The following GPC3 variants were observed in gnomAD, a reference collection of about 807,000 sequenced individuals.
The protein encoded by GPC3 is glypican 3, also known as glypican-3.
In GPC3, 3 loss-of-function variants were observed where a neutral mutation model predicts 34.4. The observed-to-expected ratio is 0.09, with a 90% CI of 0.04 to 0.23. The LOEUF (loss-of-function observed/expected upper bound fraction) is 0.23, where lower values mean the gene tolerates loss of function less well. GPC3 is among the 10% of genes least tolerant of loss of function. GPC3 has a pLI of 1.00. For missense variants in GPC3, 351 were observed against 445.6 expected (o/e 0.79, Z 1.91); for synonymous variants, 177 against 174.0 (o/e 1.02, Z -0.13).
intron 4 of GPC3, among the ~76,000 whole-genome samples, chrX:133,695,464 TAGAGA>T (rs1374594311): frequency 9.0e-6 from 1 of 111,606 alleles, no homozygotes; most frequent in African/African-American, 3.3e-5. Context: ...AAAGAAAGGG[TAGAGA>T]AGAGGTGAGA....
chrX:133,768,498 G>A (rs1337220690), intron 2 of GPC3, among the ~76,000 whole-genome samples: 6 of 110,818 alleles, frequency 5.4e-5, no homozygotes, highest in Non-Finnish European at 1.1e-4. Flanking sequence ...CTTAATTTTT[G>A]GATAAAGAGC....
intron 3 of GPC3, among the ~76,000 whole-genome samples, chrX:133,721,108 GAA>G (rs372717148): frequency 1.0e-5 from 1 of 97,268 alleles, no homozygotes; most frequent in African/African-American, 3.7e-5. Context: ...TAAGAAACTA[GAA>G]AAAAAAAAAT....
intron 2 of GPC3, among the ~76,000 whole-genome samples, chrX:133,804,818 G>A (rs919447357): frequency 2.7e-5 from 3 of 110,785 alleles, no homozygotes; most frequent in African/African-American, 6.6e-5. Context: ...AATCCTAGGT[G>A]GTGGTGGTGG....
At chrX:133,886,403 G>A (rs944607394) in intron 2 of GPC3, among the ~76,000 whole-genome samples, 23 of 110,286 alleles carry the variant, frequency 2.1e-4, no homozygotes, top group African/African-American at 4.9e-4. Context: ...GGTCTGACAC[G>A]AGGTAGAATT....
chrX:133,879,960 T>C (rs1222494908), intron 2 of GPC3, among the ~76,000 whole-genome samples: 1 of 112,018 alleles, frequency 8.9e-6, no homozygotes, highest in Non-Finnish European at 1.9e-5. Context: ...GATTTTTCTA[T>C]ACAACCCCCT....
At chrX:133,833,629 C>T (rs187458561) in intron 2 of GPC3, among the ~76,000 whole-genome samples, 6 of 110,936 alleles carry the variant, frequency 5.4e-5, no homozygotes, top group Non-Finnish European at 9.4e-5. Context: ...TTCAAGTGGC[C>T]CCATGTGACT....
At position 133,967,730 on chromosome X, in the gene GPC3, G is replaced by T. The variant is rs772432506; in HGVS notation, c.176-14519C>A. On this transcript the variant is annotated intron_variant, in intron 1 of 7. Transcript: ENST00000370818. ...TGCAACCTCCACCTCTCAAGCTCAA[G>T]CGATCCTCCCACCTCAGCTTCCCAA... Among the ~76,000 whole-genome samples, 4 of 112,103 alleles carry T rather than the reference G, an allele frequency of 3.6e-5. No individual in the cohort carries two copies. In the South Asian group the frequency reaches 1.5e-3, roughly 42 times the overall value.
chrX:133,859,417 G>T (rs2075924806), intron 2 of GPC3, among the ~76,000 whole-genome samples: 1 of 111,266 alleles, frequency 9.0e-6, no homozygotes, highest in Non-Finnish European at 1.9e-5. Context: ...GGGTCTCCCT[G>T]GGAATTCCCT....
intron 6 of GPC3, among the ~76,000 whole-genome samples, chrX:133,616,990 G>A (rs900005495): frequency 1.2e-4 from 13 of 111,431 alleles, no homozygotes; most frequent in East Asian, 2.8e-4. Flanking sequence ...GAGCCACCGC[G>A]CCTAGCCTAG....
chrX:133,701,749 G>A (rs1182369453), intron 3 of GPC3, among the ~76,000 whole-genome samples: 2 of 111,686 alleles, frequency 1.8e-5, no homozygotes, highest in Non-Finnish European at 3.8e-5. Flanking sequence ...GCTCTGTGTG[G>A]TAATCCCAGC....
At chrX:133,867,114 C>G (rs763321389) in intron 2 of GPC3, among the ~76,000 whole-genome samples, 3 of 110,474 alleles carry the variant, frequency 2.7e-5, no homozygotes, top group Non-Finnish European at 5.7e-5. Flanking sequence ...AGGAGAATCA[C>G]TTGAACCCAG....
At chrX:133,604,455 G>A (rs1452621069) in intron 6 of GPC3, among the ~76,000 whole-genome samples, 1 of 111,240 alleles carries the variant, frequency 9.0e-6, no homozygotes, top group African/African-American at 3.3e-5. Context: ...GATGCTTTCT[G>A]CTTGCTTTCC....
chrX:133,669,980 G>C (rs1239641949), intron 5 of GPC3, among the ~76,000 whole-genome samples: 3 of 111,363 alleles, frequency 2.7e-5, no homozygotes, highest in Non-Finnish European at 5.6e-5. Flanking sequence ...GAGGGGGTTG[G>C]GGAGAGCAGG....
At chrX:133,642,411 A>T (rs1270554377) in intron 6 of GPC3, among the ~76,000 whole-genome samples, 2 of 111,870 alleles carry the variant, frequency 1.8e-5, no homozygotes, top group Non-Finnish European at 3.8e-5. Flanking sequence ...GCAAAGCTAT[A>T]TAGGGACAAA....
intron 5 of GPC3, among the ~76,000 whole-genome samples, chrX:133,676,300 C>A (rs181172462): frequency 2.1e-4 from 23 of 112,162 alleles, no homozygotes; most frequent in African/African-American, 6.8e-4. Context: ...CAGCAAGAAC[C>A]CTGAAGCAGC....
intron 7 of GPC3, among the ~76,000 whole-genome samples, chrX:133,582,742 C>T (rs911397820): frequency 9.0e-6 from 1 of 111,633 alleles, no homozygotes; most frequent in Non-Finnish European, 1.9e-5. Flanking sequence ...ACTCTGGGTC[C>T]TTCATCATAG....
chrX:133,713,115 T>C (rs910584364), intron 3 of GPC3, among the ~76,000 whole-genome samples: 21 of 112,036 alleles, frequency 1.9e-4, no homozygotes, highest in Admixed American at 9.5e-4. Flanking sequence ...GGAATTGCTG[T>C]TTTGCTTATA....
intron 2 of GPC3, among the ~76,000 whole-genome samples, chrX:133,949,438 A>G (rs1031861177): frequency 9.0e-6 from 1 of 111,559 alleles, no homozygotes; most frequent in African/African-American, 3.3e-5. Context: ...AAGACTACGC[A>G]TAAACATGGA....
At chrX:133,659,987 A>G (rs918601060) in intron 6 of GPC3, among the ~76,000 whole-genome samples, 3 of 111,764 alleles carry the variant, frequency 2.7e-5, no homozygotes, top group African/African-American at 9.8e-5. Context: ...AAGGCTTGAT[A>G]GAACTTAGTG....
Sources: allele counts gnomAD v4.1 joint callset (sites outside exome capture counted in the v4.1 genomes callset), GRCh38; gene constraint gnomAD v4.1.1; transcripts MANE v1.5; gene names NCBI Gene and HGNC (gene_info 2026-07-23, HGNC 2026-07-21).